ACSL6: variants seen among roughly 807,000 people sequenced by gnomAD.
ACSL6 encodes acyl-CoA synthetase long chain family member 6.
In ACSL6, 47 loss-of-function variants were observed where a neutral mutation model predicts 98.2. The observed-to-expected ratio is 0.48, with a 90% CI of 0.38 to 0.61. The LOEUF (loss-of-function observed/expected upper bound fraction) is 0.61, where lower values mean the gene tolerates loss of function less well. ACSL6 is among the 20% of genes least tolerant of loss of function. The probability of loss-of-function intolerance (pLI) is 0.00; values close to 1 mark genes in which losing one functional copy is unlikely to be tolerated. For synonymous variants in ACSL6, 362 were observed against 336.9 expected, an observed-to-expected ratio of 1.07 and a Z score of -0.82; for missense variants, 761 against 913.4, an observed-to-expected ratio of 0.83 and a Z score of 2.15.
chr5:131,978,398 A>T (rs1230357827), intron 9 of ACSL6, among the ~76,000 whole-genome samples: 1 of 152,212 alleles, frequency 6.6e-6, no homozygotes, highest in African/African-American at 2.4e-5. Context: ...CAACTTTCAT[A>T]GTCTACTTAT....
intron 1 of ACSL6, among the ~76,000 whole-genome samples, chr5:132,009,505 G>T (rs890539051): frequency 2.0e-5 from 3 of 152,156 alleles, no homozygotes; most frequent in African/African-American, 7.2e-5. Flanking sequence ...AAGGAGGGTG[G>T]ATACATAACT....
chr5:131,960,780 C>T, intron 18 of ACSL6, 159 bp from the exon 19 acceptor site: 1 of 546,100 alleles, frequency 1.8e-6, no homozygotes, highest in African/African-American at 1.9e-5. Context: ...GCCAATATAT[C>T]ATACCATTCA....
chr5:132,007,760 T>G (rs1755493952), intron 1 of ACSL6, among the ~76,000 whole-genome samples: 1 of 152,188 alleles, frequency 6.6e-6, no homozygotes, highest in Non-Finnish European at 1.5e-5. Flanking sequence ...ACCTAGTACT[T>G]AATGAGTATT....
Position 131,970,211 on chromosome 5 carries a change from AAC to A in ACSL6, c.1435-13_1435-12del. 6.2e-7 allele frequency: 1 copy of A among 1,613,900 alleles called. No individual in the cohort carries two copies. The highest frequency in any genetic ancestry group is 8.5e-7 in the Non-Finnish European group (1 of 1,179,910). On this transcript the variant is annotated splice_polypyrimidine_tract_variant and intron_variant, in intron 14 of 20. Transcript: ENST00000651883. The stretch of plus-strand genomic sequence containing the variant: ...ATAACCTTCATAAACCTTCAAACAA[AAC>A]ACAGAAGCCACACTATGGGCACACA...
intron 16 of ACSL6, among the ~76,000 whole-genome samples, chr5:131,967,626 C>G (rs1408827103): frequency 6.6e-6 from 1 of 151,298 alleles, no homozygotes; most frequent in East Asian, 1.9e-4. Context: ...GATCACACTA[C>G]TGTACTCCAG....
Position 131,972,866 on chromosome 5 carries a change from A to G in ACSL6, c.1204-8T>C. 6.2e-7 allele frequency: 1 copy of G among 1,614,154 alleles called. No homozygotes were observed. The highest frequency in any genetic ancestry group is 8.5e-7 in the Non-Finnish European group (1 of 1,179,994). On this transcript the variant is annotated splice_region_variant and splice_polypyrimidine_tract_variant and intron_variant, in intron 12 of 20. Coordinates refer to ENST00000651883, the MANE Select transcript of ACSL6 (RefSeq NM_001009185.3). ...GTTTGCCTGGCTGAAGATCTGAGGA[A>G]CATAAGTTGGAAGCAGCTGTCAGAG...
intron 11 of ACSL6, 30 bp from the exon 12 acceptor site, chr5:131,973,430 C>A (rs2149722489): frequency 6.2e-7 from 1 of 1,610,228 alleles, no homozygotes; most frequent in East Asian, 2.2e-5. Flanking sequence ...AGGGAGGAGT[C>A]CCTTAGGGTG....
chr5:131,996,729 C>A (rs531666498), intron 1 of ACSL6, among the ~76,000 whole-genome samples: 1 of 152,354 alleles, frequency 6.6e-6, no homozygotes, highest in South Asian at 2.1e-4. Flanking sequence ...AGTCATCCAT[C>A]TGTCTTTCAA....
intron 1 of ACSL6, among the ~76,000 whole-genome samples, chr5:132,000,391 C>T (rs1458488441): frequency 2.0e-5 from 3 of 151,842 alleles, no homozygotes; most frequent in Non-Finnish European, 4.4e-5. Context: ...AGCCAGAACC[C>T]ACACCCTTGC....
At chr5:131,999,629 G>A (rs943258340) in intron 1 of ACSL6, 1 of 152,364 alleles carries the variant, frequency 6.6e-6, no homozygotes, top group African/African-American at 2.4e-5. Context: ...AGAGCCGTTA[G>A]CAGTGGTAGC....
chr5:131,965,325 C>T lies in ACSL6; in HGVS notation c.1713+1091G>A, dbSNP rs562971242. Among the ~76,000 whole-genome samples the T allele has an allele frequency of 2.0e-4, 30 of 152,352 alleles. No homozygotes were observed. The South Asian group carries it at 6.2e-3, about 32-fold the overall frequency. ...GTCAAAGCATTCATCTAAGCATCTC[C>T]TATGTGCCCGGTACTGTGCTAAGTG... On this transcript the variant is annotated intron_variant, in intron 17 of 20. Coordinates refer to ENST00000651883, the MANE Select transcript of ACSL6 (RefSeq NM_001009185.3).
intron 14 of ACSL6, among the ~76,000 whole-genome samples, chr5:131,971,098 T>G (rs1327235962): frequency 6.6e-6 from 1 of 152,190 alleles, no homozygotes; most frequent in East Asian, 1.9e-4. Flanking sequence ...AAATATGAGC[T>G]GAATGGAAAA....
In ACSL6 at chr5:131,950,036, A is replaced by G. The variant is rs892543889; in HGVS notation, c.*4198T>C. 5.6e-6 allele frequency: 1 copy of G among 177,314 alleles called. No homozygotes were observed. The highest frequency in any genetic ancestry group is 6.3e-5 in the Admixed American group (1 of 15,834). 11.0% of individuals were successfully genotyped at this position (177,314 alleles called of 1,614,324 possible). Reference sequence around the variant, plus strand: ...TTCATAAATGCATTTTATATTTAATATGCATGCTACTATAACAAAGCAACT... The same window carrying G: ...TTCATAAATGCATTTTATATTTAATGTGCATGCTACTATAACAAAGCAACT... On this transcript the variant is annotated 3_prime_UTR_variant, in exon 21 of 21. Coordinates refer to ENST00000651883, the MANE Select transcript of ACSL6 (RefSeq NM_001009185.3).
chr5:132,003,756 C>G (rs1160983495), intron 1 of ACSL6: 2 of 152,182 alleles, frequency 1.3e-5, no homozygotes, highest in Non-Finnish European at 2.9e-5. Flanking sequence ...TGGAAGGAAC[C>G]CATCATCTTT....
intron 1 of ACSL6, among the ~76,000 whole-genome samples, chr5:132,004,079 C>G (rs545725174): frequency 2.6e-5 from 4 of 152,250 alleles, no homozygotes; most frequent in African/African-American, 9.6e-5. Context: ...TGCCTGGTGC[C>G]CACACTCCTG....
intron 9 of ACSL6, among the ~76,000 whole-genome samples, chr5:131,980,572 G>A (rs1189639422): frequency 6.6e-6 from 1 of 152,178 alleles, no homozygotes; most frequent in Non-Finnish European, 1.5e-5. Context: ...GACTGTATAT[G>A]CCTGGGCTTT....
intron 1 of ACSL6, among the ~76,000 whole-genome samples, chr5:132,008,292 G>T (rs180773454): frequency 5.9e-5 from 9 of 152,324 alleles, no homozygotes; most frequent in Non-Finnish European, 1.2e-4. Context: ...GTAAGGGGAG[G>T]ATCTCACAGG....
In ACSL6 at chr5:131,954,213, G is replaced by T; in HGVS notation, c.*21C>A. On this transcript the variant is annotated 3_prime_UTR_variant, in exon 21 of 21. Transcript: ENST00000651883. ...ATATTGCTAGACAGTTCATTACACT[G>T]AGAAGAACTTTCCTTGAACTTCACA... 1 of 1,603,996 alleles carries T rather than the reference G, an allele frequency of 6.2e-7. No individual in the cohort carries two copies. Among genetic ancestry groups the T allele is most frequent in the South Asian group, 1.1e-5 (1 of 89,104 alleles).
At chr5:131,995,066 C>T (rs954720735) in intron 1 of ACSL6, among the ~76,000 whole-genome samples, 10 of 152,146 alleles carry the variant, frequency 6.6e-5, no homozygotes, top group African/African-American at 4.8e-5. Flanking sequence ...GTGCGCTCCC[C>T]GGGGGACCAA....
Sources: gnomAD v4.1 joint callset for allele counts (sites outside exome capture counted in the v4.1 genomes callset) on GRCh38, gnomAD v4.1.1 for gene constraint, MANE v1.5 for transcripts, NCBI Gene and HGNC (gene_info 2026-07-23, HGNC 2026-07-21) for gene names.